The following PCDHA10 variants were observed in gnomAD, a reference collection of about 807,000 sequenced individuals.
PCDHA10 encodes the protein protocadherin alpha 10, also known as protocadherin alpha-10.
A neutral mutation model predicts 61.2 loss-of-function variants in PCDHA10; 45 were observed. That is an observed-to-expected ratio of 0.74 (90% CI 0.58 to 0.94). The LOEUF is 0.94. Among genes scored for constraint, PCDHA10 ranks in the 40% least tolerant of loss-of-function variants. The pLI is 0.00. For synonymous variants in PCDHA10, 602 were observed against 548.8 expected, an observed-to-expected ratio of 1.10 and a Z score of -1.35; for missense variants, 1,278 against 1,236.2, an observed-to-expected ratio of 1.03 and a Z score of -0.51.
chr5:140,916,692 C>T (rs968252842), intron 1 of PCDHA10, among the ~76,000 whole-genome samples: 47 of 152,270 alleles, frequency 3.1e-4, no homozygotes, highest in African/African-American at 1.0e-3. Flanking sequence ...TCTTTTCTCT[C>T]CTCTCCTTAA....
rs1366864610 is a variant in PCDHA10 at position 141,006,125 on chromosome 5, G to A, written c.2537-3502G>A. ...AAGGAGTTTTTTTTTTTTTTCTCAA[G>A]GCAGTAGAAAGCTTAAGCAGAGGAG... On this transcript the variant is annotated intron_variant, in intron 3 of 3. Transcript: ENST00000307360. 4.7e-5 allele frequency among the ~76,000 whole-genome samples: 7 copies of A among 149,644 alleles called. No individual in the cohort carries two copies. The South Asian group carries it at 1.3e-3, about 27-fold the overall frequency.
chr5:140,952,873 A>G (rs1554220663), intron 1 of PCDHA10, among the ~76,000 whole-genome samples: 1 of 152,168 alleles, frequency 6.6e-6, no homozygotes, highest in South Asian at 2.1e-4. Context: ...GGAAACTTAC[A>G]ATCATGGTGG....
chr5:140,911,165 G>A (rs931843921), intron 1 of PCDHA10, among the ~76,000 whole-genome samples: 3 of 152,178 alleles, frequency 2.0e-5, no homozygotes, highest in Non-Finnish European at 4.4e-5. Context: ...AATGTGGAAA[G>A]GCTGATGGCA....
At chr5:140,960,488 GT>G (rs1373763536) in intron 1 of PCDHA10, among the ~76,000 whole-genome samples, 4 of 152,150 alleles carry the variant, frequency 2.6e-5, no homozygotes, top group African/African-American at 9.7e-5. Flanking sequence ...AGAGGTGTAG[GT>G]TTGTTTGTTC....
chr5:141,011,750 A>T lies in PCDHA10; in HGVS notation c.*1813A>T, dbSNP rs1554263628. The T allele has an allele frequency of 6.5e-6, 1 of 153,696 alleles. No individual in the cohort carries two copies. Among genetic ancestry groups the T allele is most frequent in the Non-Finnish European group, 1.5e-5 (1 of 68,036 alleles). 9.5% of individuals were successfully genotyped at this position (153,696 alleles called of 1,614,324 possible). A position where few individuals can be genotyped will look rare whatever the true frequency, so the allele number is the denominator to read the frequency against. On this transcript the variant is annotated 3_prime_UTR_variant, in exon 4 of 4. Transcript: ENST00000307360. ...TGCAAGCACAAATTTTACCAATCTG[A>T]CCTCTTTGAAGTTGCAGAATGCTTT... is the stretch of plus-strand genomic sequence containing the variant.
chr5:140,981,350 G>T (rs2096928266), intron 2 of PCDHA10, among the ~76,000 whole-genome samples: 1 of 152,168 alleles, frequency 6.6e-6, no homozygotes. Flanking sequence ...GAGGCAGGTG[G>T]ATCACTTGAG....
chr5:140,898,737 G>T (rs2066951107), intron 1 of PCDHA10, among the ~76,000 whole-genome samples: 1 of 152,102 alleles, frequency 6.6e-6, no homozygotes, highest in African/African-American at 2.4e-5. Flanking sequence ...AAAGTCATTG[G>T]TAGCTTGATG....
chr5:140,882,990 A>C, intron 1 of PCDHA10: 1 of 1,614,130 alleles, frequency 6.2e-7, no homozygotes, highest in East Asian at 2.2e-5. Context: ...AACGCCCCGG[A>C]ATTTTACCAA....
At position 140,856,020 on chromosome 5, in the gene PCDHA10, G is replaced by T; in HGVS notation, c.-29G>T. On this transcript the variant is annotated 5_prime_UTR_variant, in exon 1 of 4. Coordinates refer to ENST00000307360, the MANE Select transcript of PCDHA10 (RefSeq NM_018901.4). Reference sequence around the variant, plus strand: ...TATGTGCGTTCTAGACCGCTGATTCGTCGATTTGTAAAACAAGAGAAGGAT... The same window carrying T: ...TATGTGCGTTCTAGACCGCTGATTCTTCGATTTGTAAAACAAGAGAAGGAT... 2.6e-6 allele frequency: 4 copies of T among 1,553,378 alleles called. No homozygotes were observed. The highest frequency in any genetic ancestry group is 1.2e-5 in the South Asian group (1 of 83,970).
rs554450758 is a variant in PCDHA10, at chr5:140,895,787, C to T, written c.2388+37351C>T. On this transcript the variant is annotated intron_variant, in intron 1 of 3. Coordinates refer to ENST00000307360, the MANE Select transcript of PCDHA10 (RefSeq NM_018901.4). ...TTTATGGCTGCATAGTATTCAATGA[C>T]GTATATGTACAATACTGTATTGTAT... 8.5e-5 allele frequency among the ~76,000 whole-genome samples: 13 copies of T among 152,124 alleles called. No homozygotes were observed. The South Asian group carries it at 2.1e-3, about 24-fold the overall frequency.
At position 140,856,939 on chromosome 5, in the gene PCDHA10, G is replaced by T. The variant is rs1554149308; in HGVS notation, c.891G>T (p.Arg297Ser). 1.3e-6 allele frequency: 2 copies of T among 1,593,866 alleles called. No homozygotes were observed. The highest frequency in any genetic ancestry group is 1.7e-6 in the Non-Finnish European group (2 of 1,163,874). The change falls in exon 1 of 4, where the codon AGG becomes AGT. Residue 297 changes from arginine (R) to serine (S), a missense_variant. Arg to Ser is a moderately radical substitution (Grantham distance 110). Coordinates refer to ENST00000307360, the MANE Select transcript of PCDHA10 (RefSeq NM_018901.4). Reference sequence around the variant, plus strand: ...GAAGGAAATTTTGGATAAACGAAAGGACGGGAGAAATAAAAGTAAATGATG... The same window carrying T: ...GAAGGAAATTTTGGATAAACGAAAGTACGGGAGAAATAAAAGTAAATGATG... ...TIRRKFWINE[R>S]TGEIKVNDAI...
chr5:140,997,668 T>TTGTGTGTG lies in PCDHA10; in HGVS notation c.2537-11937_2537-11930dup, dbSNP rs35184029. 2.7e-3 allele frequency among the ~76,000 whole-genome samples: 400 copies of TTGTGTGTG among 148,342 alleles called. 5 individuals carry two copies. The East Asian group carries it at 0.038, about 14-fold the overall frequency. The stretch of plus-strand genomic sequence containing the variant: ...AATGCAATATGTATTATTATACAGC[T>TTGTGTGTG]TGTGTGTGTGTGTGTGTGTGTGTGT... On this transcript the variant is annotated intron_variant, in intron 3 of 3. Transcript: ENST00000307360.
chr5:140,907,412 A>G (rs889699438), intron 1 of PCDHA10, among the ~76,000 whole-genome samples: 5 of 152,232 alleles, frequency 3.3e-5, no homozygotes, highest in Non-Finnish European at 7.3e-5. Flanking sequence ...GAATACCACG[A>G]TGGTGGATAA....
chr5:140,988,642 T>C (rs981488031), intron 3 of PCDHA10, among the ~76,000 whole-genome samples: 22 of 152,212 alleles, frequency 1.4e-4, no homozygotes, highest in African/African-American at 5.3e-4. Context: ...TTTCTGAAAT[T>C]AAACATTTTT....
chr5:140,893,922 G>C (rs1179113151), intron 1 of PCDHA10, among the ~76,000 whole-genome samples: 4 of 152,156 alleles, frequency 2.6e-5, no homozygotes. Context: ...GTCTTTTTCA[G>C]AATCTCTACC....
At chr5:140,896,262 T>C (rs2065465092) in intron 1 of PCDHA10, among the ~76,000 whole-genome samples, 2 of 152,258 alleles carry the variant, frequency 1.3e-5, no homozygotes, top group African/African-American at 4.8e-5. Flanking sequence ...TGTACACAGT[T>C]ATGGGATTTG....
At chr5:140,927,281 A>G (rs1554204297) in intron 1 of PCDHA10, 1 of 1,614,172 alleles carries the variant, frequency 6.2e-7, no homozygotes, top group Non-Finnish European at 8.5e-7. Flanking sequence ...GGCGACGTGC[A>G]GCTGCACATC....
intron 1 of PCDHA10, among the ~76,000 whole-genome samples, chr5:140,874,852 A>C (rs2153316930): frequency 6.6e-6 from 1 of 152,334 alleles, no homozygotes; most frequent in African/African-American, 2.4e-5. Context: ...GACATATTTT[A>C]GTTTCTTATC....
At position 140,862,768 on chromosome 5, in the gene PCDHA10, G is replaced by C. The variant is rs1409687409; in HGVS notation, c.2388+4332G>C. The C allele has an allele frequency of 8.7e-6, 5 of 576,458 alleles. No individual in the cohort carries two copies. The African/African-American group carries it at 9.8e-5, about 11-fold the overall frequency. 35.7% of individuals were successfully genotyped at this position (576,458 alleles called of 1,614,324 possible). A position where few individuals can be genotyped will look rare whatever the true frequency, so the allele number is the denominator to read the frequency against. On this transcript the variant is annotated intron_variant, in intron 1 of 3. Transcript: ENST00000307360. ...GCACGCGGAGAGCGGCAAGAGGTAC[G>C]CGTTGCAGCCACTGGACTACGAGGA...
Sources: allele counts gnomAD v4.1 joint callset (sites outside exome capture counted in the v4.1 genomes callset), GRCh38; gene constraint gnomAD v4.1.1; transcripts MANE v1.5; gene names NCBI Gene and HGNC (gene_info 2026-07-23, HGNC 2026-07-21).